Variants in SEL1L2 observed in about 807,000 individuals in gnomAD.
SEL1L2 encodes the protein SEL1L2 adaptor subunit of SYVN1 ubiquitin ligase.
A neutral mutation model predicts 98.8 loss-of-function variants in SEL1L2; 89 were observed. The observed-to-expected ratio is 0.90, with a 90% CI of 0.76 to 1.07. The LOEUF (loss-of-function observed/expected upper bound fraction) is 1.07. SEL1L2 is among the 50% of genes least tolerant of loss of function. SEL1L2 has a pLI of 0.00. For synonymous variants in SEL1L2, 262 were observed against 278.5 expected (o/e 0.94, Z 0.59); for missense variants, 788 against 812.0 (o/e 0.97, Z 0.36).
chr20:13,885,517 C>A (rs1436127163), intron 9 of SEL1L2, 114 bp from the exon 10 acceptor site: 4 of 735,722 alleles, frequency 5.4e-6, no homozygotes, highest in Non-Finnish European at 7.3e-6. Flanking sequence ...TTTGAAATGT[C>A]CTGAAAAAAT....
rs1392622882 is a variant in SEL1L2, at chr20:13,865,257, A to T, written c.1571-16T>A. The T allele has an allele frequency of 2.5e-6, 4 of 1,612,242 alleles. No individual in the cohort carries two copies. Among genetic ancestry groups the T allele is most frequent in the East Asian group, 2.2e-5 (1 of 44,872 alleles). ...TTAGCCTTTTCTAAAAAGAGGAGAC[A>T]TTCCATTAGGAAGGCTTAAAATGCC... On this transcript the variant is annotated splice_polypyrimidine_tract_variant and intron_variant, in intron 16 of 19. Coordinates refer to ENST00000284951, the MANE Select transcript of SEL1L2 (RefSeq NM_025229.2).
intron 19 of SEL1L2, chr20:13,849,988 T>G: frequency 3.4e-6 from 2 of 594,164 alleles, no homozygotes; most frequent in Non-Finnish European, 5.9e-6. Flanking sequence ...CTGAATGAAT[T>G]AATTGCTTAT....
At chr20:13,881,923 T>G (rs2046719061) in intron 10 of SEL1L2, among the ~76,000 whole-genome samples, 1 of 152,212 alleles carries the variant, frequency 6.6e-6, no homozygotes, top group Admixed American at 6.5e-5. Flanking sequence ...GAGAGGATTT[T>G]GAATGTTCTC....
chr20:13,850,222 G>T lies in SEL1L2; in HGVS notation c.1916C>A (p.Thr639Lys), dbSNP rs754101601. Residue 639 changes from threonine to lysine, a missense_variant, in exon 19 of 20, where the codon ACG (threonine) becomes AAG (lysine). By Grantham distance (78) the Thr-to-Lys change is moderately conservative. Transcript: ENST00000284951. ...VLFAVMKLET[T>K]HLLRDILFFN... The stretch of plus-strand genomic sequence containing the variant: ...AAACAGGATATCCCGGAGCAAATGC[G>T]TAGTTTCCAGTTTCATGACGGCAAA... The T allele has an allele frequency of 2.9e-5, 46 of 1,613,846 alleles. 1 individual carries two copies. The South Asian group carries it at 4.9e-4, about 17-fold the overall frequency.
At chr20:13,915,028 A>G in intron 4 of SEL1L2, 1 of 1,084,016 alleles carries the variant, frequency 9.2e-7, no homozygotes. Flanking sequence ...AGAAAGCGTT[A>G]ACTTCTACCT....
chr20:13,984,838 C>T (rs1439504099), intron 1 of SEL1L2, among the ~76,000 whole-genome samples: 2 of 151,804 alleles, frequency 1.3e-5, no homozygotes, highest in Admixed American at 6.6e-5. Context: ...AATAATTGTA[C>T]ATATACGGAG....
intron 10 of SEL1L2, among the ~76,000 whole-genome samples, chr20:13,881,482 T>C (rs542500783): frequency 1.3e-5 from 2 of 152,354 alleles, no homozygotes; most frequent in South Asian, 4.1e-4. Context: ...ATTTTAATAA[T>C]ATTCACCCAA....
chr20:13,912,540 G>A (rs1482862915), intron 5 of SEL1L2, among the ~76,000 whole-genome samples: 4 of 151,956 alleles, frequency 2.6e-5, no homozygotes, highest in Admixed American at 6.6e-5. Context: ...CAAGTGATCC[G>A]CCCACCTTGG....
At chr20:13,949,617 C>A (rs889715366) in intron 2 of SEL1L2, among the ~76,000 whole-genome samples, 4 of 151,822 alleles carry the variant, frequency 2.6e-5, no homozygotes, top group African/African-American at 9.7e-5. Context: ...AAGCCAAGCT[C>A]GTGCCACTGC....
chr20:13,962,939 C>T (rs1337771820), intron 1 of SEL1L2, among the ~76,000 whole-genome samples: 3 of 151,826 alleles, frequency 2.0e-5, no homozygotes, highest in East Asian at 3.9e-4. Context: ...TGGTGGCATG[C>T]ACCTATAATC....
At chr20:13,919,317 T>A (rs1373724463) in intron 3 of SEL1L2, among the ~76,000 whole-genome samples, 194 bp from the exon 4 acceptor site, 1 of 152,210 alleles carries the variant, frequency 6.6e-6, no homozygotes, top group Admixed American at 6.5e-5. Context: ...TGAAGCTGCC[T>A]AAAAACTTAT....
At chr20:13,873,661 G>A (rs918238911) in intron 12 of SEL1L2, among the ~76,000 whole-genome samples, 1 of 152,174 alleles carries the variant, frequency 6.6e-6, no homozygotes, top group African/African-American at 2.4e-5. Context: ...TGCCTGGCCA[G>A]TTTACTGATT....
At chr20:13,872,782 G>A (rs1196171510) in intron 12 of SEL1L2, among the ~76,000 whole-genome samples, 3 of 151,914 alleles carry the variant, frequency 2.0e-5, no homozygotes, top group East Asian at 1.9e-4. Flanking sequence ...CTTGTCAGGC[G>A]AAGAGTGGCC....
chr20:13,850,365 A>G, intron 18 of SEL1L2, 46 bp from the exon 19 acceptor site: 1 of 1,598,240 alleles, frequency 6.3e-7, no homozygotes, highest in Non-Finnish European at 8.6e-7. Context: ...TGTAGGGGTA[A>G]GTAAACAGAC....
At chr20:13,900,735 T>C (rs566945567) in intron 5 of SEL1L2, among the ~76,000 whole-genome samples, 1 of 152,200 alleles carries the variant, frequency 6.6e-6, no homozygotes, top group Non-Finnish European at 1.5e-5. Flanking sequence ...CACGCCTGTT[T>C]GTAGGGGCAC....
At chr20:13,860,304 C>T (rs1044762639) in intron 17 of SEL1L2, among the ~76,000 whole-genome samples, 2 of 152,232 alleles carry the variant, frequency 1.3e-5, no homozygotes, top group Admixed American at 1.3e-4. Flanking sequence ...GTGTTCTATA[C>T]TCACTGTCTC....
chr20:13,946,957 C>T (rs140978305), intron 2 of SEL1L2, among the ~76,000 whole-genome samples: 314 of 152,294 alleles, frequency 2.1e-3, no homozygotes, highest in South Asian at 7.7e-3. Context: ...CGAGGGGGTA[C>T]TGAGGATGGC....
chr20:13,923,266 G>A (rs916532001), intron 3 of SEL1L2, among the ~76,000 whole-genome samples: 1 of 152,156 alleles, frequency 6.6e-6, no homozygotes, highest in African/African-American at 2.4e-5. Flanking sequence ...TCCATTCTAA[G>A]TTATTCAAAC....
chr20:13,932,153 T>C (rs987229369), intron 2 of SEL1L2, among the ~76,000 whole-genome samples: 3 of 152,092 alleles, frequency 2.0e-5, no homozygotes, highest in African/African-American at 7.2e-5. Context: ...AACAAATTTA[T>C]AATGGGTGGA....
Sources: gnomAD v4.1 joint callset for allele counts (sites outside exome capture counted in the v4.1 genomes callset) on GRCh38, gnomAD v4.1.1 for gene constraint, MANE v1.5 for transcripts, NCBI Gene and HGNC (gene_info 2026-07-23, HGNC 2026-07-21) for gene names.